The following STK32B variants were observed in gnomAD, a reference collection of about 807,000 sequenced individuals.
STK32B encodes the protein serine/threonine-protein kinase 32B.
In STK32B, 43 loss-of-function variants were observed where a neutral mutation model predicts 52.6. The ratio of observed to expected loss-of-function variants is 0.82; its 90% confidence interval spans 0.64 to 1.05. The LOEUF (loss-of-function observed/expected upper bound fraction) is 1.05, where lower values mean the gene tolerates loss of function less well. STK32B is among the 50% of genes least tolerant of loss of function. The pLI, the probability that STK32B is intolerant of heterozygous loss-of-function variation, is 0.00. For missense variants in STK32B, 621 were observed against 534.6 expected, an observed-to-expected ratio of 1.16 and a Z score of -1.59; for synonymous variants, 238 against 204.3, an observed-to-expected ratio of 1.17 and a Z score of -1.41.
chr4:5,473,477 C>T (rs114384421), intron 11 of STK32B, among the ~76,000 whole-genome samples: 4 of 152,156 alleles, frequency 2.6e-5, no homozygotes, highest in East Asian at 1.9e-4. Flanking sequence ...TTATTCCCCC[C>T]CATTTCACAG....
chr4:5,321,458 G>A (rs891043374), intron 3 of STK32B, among the ~76,000 whole-genome samples: 31 of 152,312 alleles, frequency 2.0e-4, no homozygotes, highest in African/African-American at 5.5e-4. Flanking sequence ...GGTGAGGGCT[G>A]TGTTGGTCAT....
chr4:5,024,784 G>T, the STK32B span, among the ~76,000 whole-genome samples: 1 of 152,228 alleles, frequency 6.6e-6, no homozygotes, highest in Non-Finnish European at 1.5e-5. Context: ...ATGCCTCCCA[G>T]AAGTAGCCCT....
At chr4:5,165,878 A>G (rs1174077858) in intron 2 of STK32B, among the ~76,000 whole-genome samples, 1 of 152,172 alleles carries the variant, frequency 6.6e-6, no homozygotes, top group Non-Finnish European at 1.5e-5. Context: ...GCAACGTGCT[A>G]TCTAATACAT....
chr4:5,351,871 A>G (rs1170609949), intron 4 of STK32B, among the ~76,000 whole-genome samples: 1 of 152,056 alleles, frequency 6.6e-6, no homozygotes, highest in Non-Finnish European at 1.5e-5. Context: ...AAATTTCTGA[A>G]GACATACAAC....
intron 4 of STK32B, among the ~76,000 whole-genome samples, chr4:5,359,354 T>TCCACTCATCCAA (rs1311228211): frequency 6.7e-6 from 1 of 148,784 alleles, no homozygotes; most frequent in Admixed American, 6.7e-5. Flanking sequence ...CACCCATCCA[T>TCCACTCATCCAA]CCACTCATCC....
intron 11 of STK32B, among the ~76,000 whole-genome samples, chr4:5,486,431 G>A (rs563033969): frequency 6.6e-6 from 1 of 152,330 alleles, no homozygotes; most frequent in South Asian, 2.1e-4. Context: ...TAAGACCGTT[G>A]TAAAAGCAGT....
At chr4:5,183,229 G>A (rs1720491291) in intron 3 of STK32B, among the ~76,000 whole-genome samples, 1 of 152,118 alleles carries the variant, frequency 6.6e-6, no homozygotes, top group Admixed American at 6.5e-5. Flanking sequence ...TGTAATCCCA[G>A]CACATTGGGA....
chr4:5,048,111 A>G (rs901936355), upstream of STK32B, among the ~76,000 whole-genome samples: 8 of 151,634 alleles, frequency 5.3e-5, no homozygotes, highest in African/African-American at 1.9e-4. Context: ...TGGTGAGGGA[A>G]TAATTTTCTG....
chr4:5,254,464 TTACA>T (rs1179692691), intron 3 of STK32B, among the ~76,000 whole-genome samples: 1 of 152,210 alleles, frequency 6.6e-6, no homozygotes, highest in Non-Finnish European at 1.5e-5. Flanking sequence ...ATATAAATAC[TTACA>T]TACATACATT....
chr4:5,494,177 G>A (rs1371611950), intron 11 of STK32B, among the ~76,000 whole-genome samples: 1 of 152,052 alleles, frequency 6.6e-6, no homozygotes, highest in Non-Finnish European at 1.5e-5. Context: ...TTGACAGTGG[G>A]GTGTTAAAGT....
rs1286612108 is a variant in STK32B at position 5,500,988 on chromosome 4, G to T, written c.*1905G>T. On this transcript the variant is annotated 3_prime_UTR_variant, in exon 12 of 12. Coordinates refer to ENST00000282908, the MANE Select transcript of STK32B (RefSeq NM_018401.3). ...CTTGTTTGGAATAAACTATTTCTTGGACATTCCTTCTCACCACTTTGTTCT... is the reference window on the plus strand; with the variant it reads ...CTTGTTTGGAATAAACTATTTCTTGTACATTCCTTCTCACCACTTTGTTCT... 1 of 151,186 alleles carries T rather than the reference G, an allele frequency of 6.6e-6. No individual in the cohort carries two copies. The highest frequency in any genetic ancestry group is 1.5e-5 in the Non-Finnish European group (1 of 67,820). 9.4% of individuals were successfully genotyped at this position (151,186 alleles called of 1,614,324 possible).
intron 1 of STK32B, among the ~76,000 whole-genome samples, chr4:5,126,064 C>G (rs989726255): frequency 6.6e-6 from 1 of 152,182 alleles, no homozygotes; most frequent in Non-Finnish European, 1.5e-5. Context: ...CAGTTGGGCA[C>G]ATCATGTGGG....
chr4:5,478,393 T>G (rs1293962705), intron 11 of STK32B, among the ~76,000 whole-genome samples: 1 of 152,162 alleles, frequency 6.6e-6, no homozygotes, highest in East Asian at 1.9e-4. Context: ...ACCCAGGGTT[T>G]GGCTGAATCC....
intron 3 of STK32B, among the ~76,000 whole-genome samples, chr4:5,315,083 A>C (rs1730573448): frequency 6.6e-6 from 1 of 152,158 alleles, no homozygotes; most frequent in East Asian, 1.9e-4. Flanking sequence ...TATTTGACAA[A>C]GGACTTGTAT....
At chr4:5,333,146 C>G (rs975606140) in intron 4 of STK32B, among the ~76,000 whole-genome samples, 2 of 152,028 alleles carry the variant, frequency 1.3e-5, no homozygotes, top group African/African-American at 2.4e-5. Context: ...TCCACATCCT[C>G]TCCAGCACCT....
chr4:5,327,143 C>T (rs186556273), intron 3 of STK32B, among the ~76,000 whole-genome samples: 199 of 152,078 alleles, frequency 1.3e-3, no homozygotes, highest in Non-Finnish European at 2.4e-3. Context: ...TCAGGTTCCA[C>T]TTCTGATTCT....
chr4:5,047,974 T>C (rs1367173199), upstream of STK32B, among the ~76,000 whole-genome samples: 1 of 152,030 alleles, frequency 6.6e-6, no homozygotes, highest in Non-Finnish European at 1.5e-5. Context: ...AGAGAGGAGG[T>C]GGCCATGTGA....
chr4:5,146,642 A>G (rs1038551820), intron 2 of STK32B, among the ~76,000 whole-genome samples: 4 of 152,316 alleles, frequency 2.6e-5, no homozygotes, highest in African/African-American at 7.2e-5. Flanking sequence ...ATACATCCAG[A>G]ACCAATACTT....
At chr4:5,241,788 C>T (rs1021665986) in intron 3 of STK32B, among the ~76,000 whole-genome samples, 2 of 152,084 alleles carry the variant, frequency 1.3e-5, no homozygotes, top group African/African-American at 4.8e-5. Flanking sequence ...CATGTGTTCT[C>T]ATTGTTCAAT....
Sources: allele counts gnomAD v4.1 joint callset (sites outside exome capture counted in the v4.1 genomes callset), GRCh38; gene constraint gnomAD v4.1.1; transcripts MANE v1.5; gene names NCBI Gene and HGNC (gene_info 2026-07-23, HGNC 2026-07-21).